ERAP1: variants seen among roughly 807,000 people sequenced by gnomAD.
ERAP1 encodes the protein adipocyte-derived leucine aminopeptidase.
A neutral mutation model predicts 103.7 loss-of-function variants in ERAP1; 86 were observed. The observed-to-expected ratio is 0.83, with a 90% CI of 0.70 to 0.99. The LOEUF (loss-of-function observed/expected upper bound fraction) is 0.99. ERAP1 is among the 50% of genes least tolerant of loss of function. ERAP1 has a pLI of 0.00. For synonymous variants in ERAP1, 398 were observed against 402.4 expected (o/e 0.99, Z 0.13); for missense variants, 1,009 against 1,128.4 (o/e 0.89, Z 1.52).
chr5:96,883,719 T>C, the ERAP1 span: 1 of 1,472,880 alleles, frequency 6.8e-7, no homozygotes, highest in Non-Finnish European at 9.1e-7. Flanking sequence ...ATAAGCTGTT[T>C]GCTGAATGTA....
At chr5:96,934,124 A>T in the ERAP1 span, 2 of 152,252 alleles carry the variant, frequency 1.3e-5, no homozygotes, top group African/African-American at 4.8e-5. Context: ...ATACTTACCC[A>T]GGCATTGGGG....
the ERAP1 span, among the ~76,000 whole-genome samples, chr5:96,851,612 C>T: frequency 5.3e-5 from 8 of 152,276 alleles, no homozygotes; most frequent in East Asian, 1.5e-3. Flanking sequence ...AGGCATGACA[C>T]AGCAAACCCT....
chr5:96,866,613 T>A, the ERAP1 span, among the ~76,000 whole-genome samples: 2 of 152,154 alleles, frequency 1.3e-5, no homozygotes, highest in South Asian at 4.2e-4. Context: ...CCCGCAGCTA[T>A]AAAGCCATAG....
exon 20 of ERAP1, chr5:96,760,927 C>A (rs1209604736): frequency 1.3e-5 from 2 of 151,856 alleles, no homozygotes; most frequent in Non-Finnish European, 3.0e-5. Flanking sequence ...TACTAAAAAG[C>A]ATTTTTCAGT....
intron 19 of ERAP1, chr5:96,767,997 A>G: frequency 6.3e-7 from 1 of 1,596,656 alleles, no homozygotes; most frequent in Non-Finnish European, 8.6e-7. Context: ...GAACACAGCA[A>G]AGGTACTGTG....
At chr5:96,781,509 A>G (rs1775166001) in intron 16 of ERAP1, among the ~76,000 whole-genome samples, 184 bp downstream of exon 16, 1 of 152,180 alleles carries the variant, frequency 6.6e-6, no homozygotes, top group Non-Finnish European at 1.5e-5. Flanking sequence ...ACACCTTTAA[A>G]TATTTTTCCT....
intron 2 of ERAP1, 92 bp downstream of exon 2, chr5:96,803,311 G>A (rs1778191661): frequency 3.6e-6 from 5 of 1,377,414 alleles, no homozygotes; most frequent in South Asian, 1.3e-5. Context: ...AAGTTCAACA[G>A]CAAAGGGAAT....
the ERAP1 span, chr5:96,879,703 A>C: frequency 6.2e-7 from 1 of 1,613,810 alleles, no homozygotes. Context: ...ATTCTTCTGC[A>C]ATGGTTAATT....
chr5:96,831,935 T>C, the ERAP1 span, among the ~76,000 whole-genome samples: 1 of 152,212 alleles, frequency 6.6e-6, no homozygotes. Context: ...TACAGTAAAC[T>C]GGACATATTG....
chr5:96,901,637 G>A, the ERAP1 span: 1 of 1,613,506 alleles, frequency 6.2e-7, no homozygotes, highest in Non-Finnish European at 8.5e-7. Context: ...GCTTCCTCCA[G>A]GGGGTTTTCC....
At chr5:96,817,019 T>C in the ERAP1 span, among the ~76,000 whole-genome samples, 1 of 152,286 alleles carries the variant, frequency 6.6e-6, no homozygotes, top group Middle Eastern at 3.4e-3. Flanking sequence ...AACTGTATAG[T>C]AAGGAATTAA....
the ERAP1 span, chr5:96,902,519 T>A: frequency 1.9e-6 from 1 of 530,718 alleles, no homozygotes; most frequent in African/African-American, 1.9e-5. Flanking sequence ...AGTAAGAAAA[T>A]CTGGATTTTT....
Position 96,797,976 on chromosome 5 carries a change from G to A in ERAP1, c.664-667C>T, listed in dbSNP as rs114154290. Among the ~76,000 whole-genome samples, 906 of 152,282 alleles carry A rather than the reference G, an allele frequency of 5.9e-3. 5 individuals are homozygous for A. The highest frequency in any genetic ancestry group is 0.021 in the African/African-American group (859 of 41,554). ...TCGAGCTGTTGAGCATATACGCAACGGGGAAAATATATAACCCTGTAGTAC... is the reference window on the plus strand; with the variant it reads ...TCGAGCTGTTGAGCATATACGCAACAGGGAAAATATATAACCCTGTAGTAC... On this transcript the variant is annotated intron_variant, in intron 3 of 18. Coordinates refer to ENST00000443439, the MANE Select transcript of ERAP1 (RefSeq NM_001040458.3).
chr5:96,841,844 T>A, the ERAP1 span, among the ~76,000 whole-genome samples: 1 of 150,310 alleles, frequency 6.7e-6, no homozygotes, highest in Non-Finnish European at 1.5e-5. Context: ...GTTACATGGA[T>A]AAGTTCTTTA....
chr5:96,812,987 A>C (rs1351643843), upstream of ERAP1, among the ~76,000 whole-genome samples: 1 of 152,158 alleles, frequency 6.6e-6, no homozygotes. Context: ...AACCCTTCCT[A>C]AGAGACAGTT....
chr5:96,860,550 T>G, the ERAP1 span, among the ~76,000 whole-genome samples: 1 of 152,294 alleles, frequency 6.6e-6, no homozygotes, highest in South Asian at 2.1e-4. Flanking sequence ...CCAAGCTCAC[T>G]GTATTAGATA....
intron 2 of ERAP1, 65 bp downstream of exon 2, chr5:96,803,338 T>G (rs1778194735): frequency 6.7e-7 from 1 of 1,491,828 alleles, no homozygotes; most frequent in African/African-American, 1.4e-5. Context: ...AGACAATCAA[T>G]CTGAAATAAT....
chr5:96,805,253 G>A (rs1213712433), intron 1 of ERAP1, among the ~76,000 whole-genome samples: 3 of 151,658 alleles, frequency 2.0e-5, no homozygotes, highest in African/African-American at 7.3e-5. Flanking sequence ...TAAAATTTTC[G>A]ATGCCTGGGT....
chr5:96,895,764 GCTTCCCCAAAATGTGTGAA>G, the ERAP1 span, among the ~76,000 whole-genome samples: 1 of 152,270 alleles, frequency 6.6e-6, no homozygotes, highest in South Asian at 2.1e-4. Flanking sequence ...GGGTCTGCTG[GCTTCCCCAAAATGTGTGAA>G]GGGATTTCTT....
Sources: allele counts gnomAD v4.1 joint callset (sites outside exome capture counted in the v4.1 genomes callset), GRCh38; gene constraint gnomAD v4.1.1; transcripts MANE v1.5; gene names NCBI Gene and HGNC (gene_info 2026-07-23, HGNC 2026-07-21).